GATAD1: variants seen among roughly 807,000 people sequenced by gnomAD.
GATAD1 encodes the protein GATA zinc finger domain-containing protein 1.
Under a neutral mutation model 26.5 loss-of-function variants are expected in GATAD1, and 12 were observed. That is an observed-to-expected ratio of 0.45 (90% CI 0.29 to 0.73). The LOEUF (loss-of-function observed/expected upper bound fraction) is 0.73. Ranked by LOEUF, GATAD1 falls within the 30% of genes least tolerant of loss-of-function variation. The probability of loss-of-function intolerance (pLI) is 0.10; values close to 1 mark genes in which losing one functional copy is unlikely to be tolerated. For synonymous variants in GATAD1, 129 were observed against 133.1 expected (o/e 0.97, Z 0.21); for missense variants, 266 against 342.1 (o/e 0.78, Z 1.75).
chr7:92,474,500 G>A, the GATAD1 span: 1 of 152,206 alleles, frequency 6.6e-6, no homozygotes, highest in East Asian at 1.9e-4. Flanking sequence ...GTTAGCAAAT[G>A]TCTGCAGCAC....
At chr7:92,450,469 A>G (rs1789380153) in intron 2 of GATAD1, 3 of 524,736 alleles carry the variant, frequency 5.7e-6, no homozygotes, top group African/African-American at 3.9e-5. Context: ...CAGCATAATC[A>G]GAAGGTTGTC....
chr7:92,488,953 C>T, the GATAD1 span, among the ~76,000 whole-genome samples: 1 of 152,118 alleles, frequency 6.6e-6, no homozygotes, highest in Non-Finnish European at 1.5e-5. Context: ...AGGCTTGCCT[C>T]GAACTCCTGA....
At position 92,459,794 on chromosome 7, in the gene GATAD1, T is replaced by A. The variant is rs1789850774; in HGVS notation, c.*3232T>A. Among the ~76,000 whole-genome samples the A allele has an allele frequency of 6.6e-6, 1 of 152,234 alleles. No homozygotes were observed. Among genetic ancestry groups the A allele is most frequent in the South Asian group, 2.1e-4 (1 of 4,834 alleles). On this transcript the variant is annotated 3_prime_UTR_variant, in exon 5 of 5. Coordinates refer to ENST00000287957, the MANE Select transcript of GATAD1 (RefSeq NM_021167.5). ...TTTACTCATCTTTGTAACTTCCACA[T>A]AACCTAACCCCGGTTCTTGCTTATG...
chr7:92,474,577 G>A, the GATAD1 span: 103 of 152,320 alleles, frequency 6.8e-4, no homozygotes, highest in African/African-American at 2.4e-3. Flanking sequence ...CTGGCCTGTG[G>A]GGAATCATTC....
rs543691952 is a variant in GATAD1 at position 92,458,153 on chromosome 7, A to C, written c.*1591A>C. 2 of 148,650 alleles carry C rather than the reference A, an allele frequency of 1.3e-5. No homozygotes were observed. The highest frequency in any genetic ancestry group is 5.1e-5 in the African/African-American group (2 of 39,162). The allele number at this position is 148,650 out of a possible 1,614,324, so 9.2% of individuals were successfully genotyped here. A position where few individuals can be genotyped will look rare whatever the true frequency, so the allele number is the denominator to read the frequency against. On this transcript the variant is annotated 3_prime_UTR_variant, in exon 5 of 5. Coordinates refer to ENST00000287957, the MANE Select transcript of GATAD1 (RefSeq NM_021167.5). ...CTGTCTCAAAAAAGAAAAAAAAGAAAAAATTTTAATTTAATCCTTCTGTAG... is the reference window on the plus strand; with the variant it reads ...CTGTCTCAAAAAAGAAAAAAAAGAACAAATTTTAATTTAATCCTTCTGTAG...
chr7:92,471,765 C>T, the GATAD1 span: 2 of 152,332 alleles, frequency 1.3e-5, no homozygotes, highest in Admixed American at 6.5e-5. Flanking sequence ...TAATAATTTC[C>T]TAATGGCTTC....
At position 92,447,992 on chromosome 7, in the gene GATAD1, G is replaced by GCCCC; in HGVS notation, c.249+15_249+18dup. 2 of 1,212,850 alleles carry GCCCC rather than the reference G, an allele frequency of 1.6e-6. No individual in the cohort carries two copies. The highest frequency in any genetic ancestry group is 3.1e-5 in the African/African-American group (2 of 63,496). The allele number at this position is 1,212,850 out of a possible 1,614,324, so 75.1% of individuals were successfully genotyped here. A position where few individuals can be genotyped will look rare whatever the true frequency, so the allele number is the denominator to read the frequency against. On this transcript the variant is annotated intron_variant, in intron 1 of 4. Transcript: ENST00000287957. ...GGCGGCAAGCAGGTGAGCTCCTCCG[G>GCCCC]CCCCTCCCGCCGGCGGAGGCCGACC...
chr7:92,448,028 C>A (rs1352356919), intron 1 of GATAD1, 50 bp downstream of exon 1: 53 of 1,180,166 alleles, frequency 4.5e-5, no homozygotes, highest in Non-Finnish European at 5.2e-5. Flanking sequence ...AGGTGCTAGG[C>A]GGGCGGGGAC....
intron 2 of GATAD1, 33 bp from the exon 3 acceptor site, chr7:92,450,668 A>G (rs753400453): frequency 4.7e-6 from 7 of 1,490,100 alleles, no homozygotes; most frequent in East Asian, 4.5e-5. Context: ...CATACATACT[A>G]TGAATGTGCT....
chr7:92,451,845 A>G lies in GATAD1; in HGVS notation c.435+1085A>G, dbSNP rs539048944. 4.6e-5 allele frequency among the ~76,000 whole-genome samples: 7 copies of G among 152,378 alleles called. No homozygotes were observed. In the East Asian group the frequency reaches 1.3e-3, roughly 29 times the overall value. ...ATTTTCTAGATGAGAACATTGAGGC[A>G]CAGCGAGGTTAATTAACTTGTCCAA... On this transcript the variant is annotated intron_variant, in intron 3 of 4. Transcript: ENST00000287957.
At chr7:92,449,103 T>C (rs930663480) in intron 2 of GATAD1, 11 of 1,180,282 alleles carry the variant, frequency 9.3e-6, no homozygotes, top group African/African-American at 1.5e-5. Context: ...TTTTATTTTT[T>C]CCCCTGGAAA....
chr7:92,475,499 A>G, the GATAD1 span, among the ~76,000 whole-genome samples: 1 of 151,988 alleles, frequency 6.6e-6, no homozygotes, highest in Non-Finnish European at 1.5e-5. Flanking sequence ...CTTGACCACA[A>G]AGAAAGGGGT....
At chr7:92,470,229 C>A in the GATAD1 span, 1 of 778,588 alleles carries the variant, frequency 1.3e-6, no homozygotes, top group South Asian at 1.3e-5. Flanking sequence ...GACTCCTATA[C>A]GATGGGGCAT....
At chr7:92,484,490 G>A in the GATAD1 span, among the ~76,000 whole-genome samples, 22 of 152,238 alleles carry the variant, frequency 1.4e-4, no homozygotes, top group South Asian at 2.5e-3. Flanking sequence ...AGGCGTCCCC[G>A]CAGTGATTAA....
chr7:92,460,971 G>A (rs1789901904), downstream of GATAD1, among the ~76,000 whole-genome samples: 1 of 152,056 alleles, frequency 6.6e-6, no homozygotes, highest in African/African-American at 2.4e-5. Context: ...GTGCCCAACT[G>A]GTGGTGAACA....
the GATAD1 span, chr7:92,469,303 C>T: frequency 3.3e-5 from 25 of 764,536 alleles, no homozygotes; most frequent in East Asian, 2.4e-4. Context: ...GTCGGCGACC[C>T]GTTCCATGTC....
At chr7:92,480,374 G>T in the GATAD1 span, among the ~76,000 whole-genome samples, 2 of 152,168 alleles carry the variant, frequency 1.3e-5, no homozygotes, top group Non-Finnish European at 2.9e-5. Flanking sequence ...GCCAGTCCTG[G>T]GCAGGGGCAA....
the GATAD1 span, among the ~76,000 whole-genome samples, chr7:92,485,387 T>G: frequency 6.6e-6 from 1 of 151,078 alleles, no homozygotes; most frequent in Non-Finnish European, 1.5e-5. Context: ...TCCTACTTGA[T>G]TCTTACAATG....
the GATAD1 span, chr7:92,468,472 G>C: frequency 4.3e-6 from 1 of 234,238 alleles, no homozygotes; most frequent in Non-Finnish European, 8.2e-6. Flanking sequence ...TTGCCGGCTC[G>C]AAGACTTGGG....
Sources: gnomAD v4.1 joint callset for allele counts (sites outside exome capture counted in the v4.1 genomes callset) on GRCh38, gnomAD v4.1.1 for gene constraint, MANE v1.5 for transcripts, NCBI Gene and HGNC (gene_info 2026-07-23, HGNC 2026-07-21) for gene names.